NLRP14: variants seen among roughly 807,000 people sequenced by gnomAD.
The protein encoded by NLRP14 is NLR family pyrin domain containing 14, also known as NACHT, LRR and PYD domains-containing protein 14.
NLRP14 carries 105 observed loss-of-function variants against 94.7 expected under a neutral mutation model. The ratio of observed to expected loss-of-function variants is 1.11; its 90% confidence interval spans 0.95 to 1.30. The LOEUF is 1.30. NLRP14 is among the 50% of genes most tolerant of loss of function. The probability of loss-of-function intolerance (pLI) is 0.00; values close to 1 mark genes in which losing one functional copy is unlikely to be tolerated. For synonymous variants in NLRP14, 508 were observed against 459.9 expected (o/e 1.10, Z -1.34); for missense variants, 1,362 against 1,254.1 (o/e 1.09, Z -1.30).
chr11:7,071,276 G>T lies in NLRP14; in HGVS notation c.3250G>T (p.Glu1084Ter). 6.2e-7 allele frequency: 1 copy of T among 1,613,536 alleles called. No homozygotes were observed. Among genetic ancestry groups the T allele is most frequent in the Non-Finnish European group, 8.5e-7 (1 of 1,179,652 alleles). The change falls in exon 12 of 12, where the codon GAA becomes TAA. Residue 1084 changes from glutamate (E) to a stop codon, truncating the protein, a stop_gained. Transcript: ENST00000299481. LOFTEE classifies it high-confidence loss of function. Reference protein sequence around the residue: ...IIKPDCNYHNEEDVSWWWCF With the variant: ...IIKPDCNYHN ...TAAGCCAGATTGTAACTATCATAAT[G>T]AAGAAGATGTGTCTTGGTGGTGGTG...
intron 3 of NLRP14, 133 bp from the exon 4 acceptor site, chr11:7,042,255 C>T: frequency 3.1e-6 from 2 of 649,870 alleles, no homozygotes; most frequent in Non-Finnish European, 5.3e-6. Flanking sequence ...AAATCAAAAC[C>T]AGCTCTGATT....
intron 5 of NLRP14, among the ~76,000 whole-genome samples, chr11:7,048,005 C>A (rs1852385052): frequency 6.6e-6 from 1 of 151,866 alleles, no homozygotes; most frequent in South Asian, 2.1e-4. Context: ...AGTGATCTAC[C>A]CATCTTGGCC....
intron 6 of NLRP14, among the ~76,000 whole-genome samples, chr11:7,056,710 C>G (rs79188844): frequency 0.051 from 7,758 of 151,872 alleles, 253 homozygotes; most frequent in Middle Eastern, 0.1. Context: ...TTGGAAGCAA[C>G]CTAAATGTCC....
the NLRP14 span, chr11:7,089,231 G>T: frequency 6.2e-7 from 1 of 1,612,880 alleles, no homozygotes; most frequent in South Asian, 1.1e-5. Flanking sequence ...TCGTCGAGGT[G>T]CTCCTGATGA....
Position 7,043,936 on chromosome 11 carries a change from T to C in NLRP14, c.1910T>C (p.Val637Ala), listed in dbSNP as rs753909647. The C allele has an allele frequency of 1.4e-5, 22 of 1,614,020 alleles. No individual in the cohort carries two copies. In the South Asian group the frequency reaches 2.4e-4, roughly 18 times the overall value. Residue 637 changes from valine (V) to alanine (A), a missense_variant, in exon 4 of 12, where the codon GTG (valine) becomes GCG (alanine). By Grantham distance (64) the Val-to-Ala change is moderately conservative. Coordinates refer to ENST00000299481, the MANE Select transcript of NLRP14 (RefSeq NM_176822.4). ...CGGACCATCAGGCTGTCTGTAACTG[T>C]GGTATTTGAGAAGAAGATATTAAAA... Reference protein sequence around the residue: ...CLRTIRLSVTVVFEKKILKTS... With the variant: ...CLRTIRLSVTAVFEKKILKTS...
rs1852358991 is a variant in NLRP14, at chr11:7,046,797, A to G, written c.2088A>G (p.Glu696=). Residue 696 remains glutamate, a synonymous_variant, in exon 5 of 12, where the codon GAA becomes GAG. Coordinates refer to ENST00000299481, the MANE Select transcript of NLRP14 (RefSeq NM_176822.4). ...CAGCAATGAATATCCTGCATCATGA[A>G]CTAAGGCACCCAAACTGTAAACTAC... The part of the protein sequence containing the change: ...DKSAMNILHH[E]LRHPNCKLQK... 2 of 1,613,706 alleles carry G rather than the reference A, an allele frequency of 1.2e-6. No individual in the cohort carries two copies. The highest frequency in any genetic ancestry group is 8.5e-7 in the Non-Finnish European group (1 of 1,179,736).
Position 7,043,421 on chromosome 11 carries a change from T to G in NLRP14, c.1395T>G (p.Ile465Met). The G allele has an allele frequency of 6.2e-7, 1 of 1,614,164 alleles. No homozygotes were observed. The highest frequency in any genetic ancestry group is 8.5e-7 in the Non-Finnish European group (1 of 1,180,006). ...SDVSSFMDSN[I>M]IQKDAEYENC... ...TCTCTAGTTTTATGGACAGCAATAT[T>G]ATTCAGAAGGACGCAGAGTATGAAA... The change falls in exon 4 of 12, where the codon ATT becomes ATG. Residue 465 changes from isoleucine to methionine, a missense_variant. Ile to Met is a conservative substitution (Grantham distance 10). Coordinates refer to ENST00000299481, the MANE Select transcript of NLRP14 (RefSeq NM_176822.4).
intron 6 of NLRP14, among the ~76,000 whole-genome samples, chr11:7,050,296 C>T (rs118061567): frequency 0.031 from 4,724 of 152,202 alleles, 99 homozygotes; most frequent in Middle Eastern, 0.068. Flanking sequence ...AACTCAGTGA[C>T]CAGCCCAGAA....
intron 10 of NLRP14, among the ~76,000 whole-genome samples, chr11:7,069,480 T>TG (rs1324607534): frequency 1.3e-5 from 2 of 152,182 alleles, no homozygotes; most frequent in African/African-American, 2.4e-5. Context: ...GGCTGACAGA[T>TG]GGGTGGGTTG....
chr11:7,069,236 C>A (rs762705495), intron 10 of NLRP14, among the ~76,000 whole-genome samples: 48 of 152,140 alleles, frequency 3.2e-4, no homozygotes, highest in Non-Finnish European at 5.4e-4. Flanking sequence ...TATTTACATA[C>A]CCTGTCTCAT....
At chr11:7,068,190 C>G (rs1222666675) in intron 10 of NLRP14, among the ~76,000 whole-genome samples, 1 of 151,958 alleles carries the variant, frequency 6.6e-6, no homozygotes, top group Non-Finnish European at 1.5e-5. Context: ...AACATTGATC[C>G]ACTCTGTTGT....
intron 3 of NLRP14, 56 bp downstream of exon 3, chr11:7,039,841 A>G: frequency 7.7e-7 from 1 of 1,295,340 alleles, no homozygotes; most frequent in Non-Finnish European, 1.1e-6. Context: ...TTGATACAGG[A>G]CGGTGATTTA....
intron 1 of NLRP14, among the ~76,000 whole-genome samples, chr11:7,036,277 C>A (rs1852158300): frequency 6.6e-6 from 1 of 152,176 alleles, no homozygotes; most frequent in South Asian, 2.1e-4. Flanking sequence ...ACATGTGTTC[C>A]TCTTTCTAAA....
chr11:7,023,157 A>G (rs1851968589), intron 1 of NLRP14, among the ~76,000 whole-genome samples: 1 of 151,702 alleles, frequency 6.6e-6, no homozygotes, highest in African/African-American at 2.4e-5. Flanking sequence ...TGTGTATGAC[A>G]GCAGATCAGA....
chr11:7,090,365 A>G, the NLRP14 span: 1 of 1,503,774 alleles, frequency 6.6e-7, no homozygotes, highest in Admixed American at 2.0e-5. Context: ...AACCTGTTGT[A>G]TGGTAACTAC....
chr11:7,059,613 T>C (rs1852581358), intron 8 of NLRP14, among the ~76,000 whole-genome samples: 1 of 152,022 alleles, frequency 6.6e-6, no homozygotes, highest in Admixed American at 6.6e-5. Flanking sequence ...TTCTAGTCCA[T>C]GGAGCTACTT....
intron 8 of NLRP14, 92 bp downstream of exon 8, chr11:7,058,542 T>C: frequency 1.0e-6 from 1 of 987,918 alleles, no homozygotes. Flanking sequence ...TTCTGTCCCT[T>C]GCTTTTTCCC....
intron 10 of NLRP14, among the ~76,000 whole-genome samples, chr11:7,064,107 CA>C (rs2119699570): frequency 6.6e-6 from 1 of 152,276 alleles, no homozygotes; most frequent in East Asian, 1.9e-4. Flanking sequence ...TAAGCAGTCT[CA>C]CTGGTAGTTG....
rs899232884 is a variant in NLRP14 at position 7,043,608 on chromosome 11, A to G, written c.1582A>G (p.Met528Val). The change falls in exon 4 of 12, where the codon ATG (methionine) becomes GTG (valine). Residue 528 changes from methionine to valine, a missense_variant. Coordinates refer to ENST00000299481, the MANE Select transcript of NLRP14 (RefSeq NM_176822.4). ...TSYKDPHLTQ[M>V]KCFLFGLLNE... ...TTATAAAGACCCCCATTTGACACAG[A>G]TGAAGTGCTTTTTGTTTGGCCTTTT... 6.2e-7 allele frequency: 1 copy of G among 1,614,198 alleles called. No individual in the cohort carries two copies. Among genetic ancestry groups the G allele is most frequent in the Middle Eastern group, 1.6e-4 (1 of 6,062 alleles).
Sources: allele counts gnomAD v4.1 joint callset (sites outside exome capture counted in the v4.1 genomes callset), GRCh38; gene constraint gnomAD v4.1.1; transcripts MANE v1.5; gene names NCBI Gene and HGNC (gene_info 2026-07-23, HGNC 2026-07-21).